ISOC2: variants seen among roughly 807,000 people sequenced by gnomAD.
ISOC2 encodes the protein isochorismatase domain-containing protein 2.
A neutral mutation model predicts 19.3 loss-of-function variants in ISOC2; 15 were observed. The observed-to-expected ratio is 0.78, with a 90% CI of 0.52 to 1.20. ISOC2 has a LOEUF of 1.20. Among genes scored for constraint, ISOC2 ranks in the 50% most tolerant of loss-of-function variants. The pLI, the probability that ISOC2 is intolerant of heterozygous loss-of-function variation, is 0.00. For missense variants in ISOC2, 285 were observed against 272.4 expected (o/e 1.05, Z -0.33); for synonymous variants, 106 against 115.8 (o/e 0.92, Z 0.54).
At chr19:55,453,462 A>G in intron 5 of ISOC2, 74 bp from the exon 6 acceptor site, 1 of 1,045,194 alleles carries the variant, frequency 9.6e-7, no homozygotes, top group Non-Finnish European at 1.3e-6. Context: ...TCTGAGGGAC[A>G]CCTCTCCGTC....
chr19:55,456,738 G>T (rs1986074198), intron 1 of ISOC2, among the ~76,000 whole-genome samples: 1 of 152,136 alleles, frequency 6.6e-6, no homozygotes, highest in South Asian at 2.1e-4. Flanking sequence ...CGTGGCTCCG[G>T]GTGTCCCTCT....
intron 5 of ISOC2, chr19:55,454,758 C>A: frequency 1.7e-6 from 1 of 574,878 alleles, no homozygotes; most frequent in South Asian, 2.0e-5. Context: ...TCCTCTGTGC[C>A]CTGACCCTCT....
intron 1 of ISOC2, among the ~76,000 whole-genome samples, chr19:55,456,789 G>A (rs956556645): frequency 3.3e-5 from 5 of 152,128 alleles, no homozygotes; most frequent in African/African-American, 7.2e-5. Flanking sequence ...TGTGCACAAC[G>A]TCAAGGAGTG....
intron 1 of ISOC2, chr19:55,457,091 C>T (rs1472161474): frequency 6.5e-6 from 1 of 153,456 alleles, no homozygotes; most frequent in Non-Finnish European, 1.4e-5. Flanking sequence ...CTGATCCTCA[C>T]CCTGCTCCAA....
Position 55,453,390 on chromosome 19 carries a change from T to C in ISOC2, c.538-2A>G. The C allele has an allele frequency of 6.3e-7, 1 of 1,599,406 alleles. No individual in the cohort carries two copies. ...GGGCTCCTTGATGAGTTTCTGGATCTGTAAGGGCAGGGGGCGATGGGTCAG... is the reference window on the plus strand; with the variant it reads ...GGGCTCCTTGATGAGTTTCTGGATCCGTAAGGGCAGGGGGCGATGGGTCAG... On this transcript the variant is annotated splice_acceptor_variant, in intron 5 of 5. Transcript: ENST00000425675. LOFTEE classifies it high-confidence loss of function.
rs1985919218 is a variant in ISOC2, at chr19:55,453,178, T to TC, written c.*129_*130insG. On this transcript the variant is annotated 3_prime_UTR_variant, in exon 6 of 6. Transcript: ENST00000425675. ...GCTGTCCAATGGGAAGGCAGCACCC[T>TC]GCCCCCCCCACAAGGGGGCGGCACT... is the stretch of plus-strand genomic sequence containing the variant. 1 of 526,188 alleles carries TC rather than the reference T, an allele frequency of 1.9e-6. No homozygotes were observed. The highest frequency in any genetic ancestry group is 3.3e-6 in the Non-Finnish European group (1 of 306,342). The allele number at this position is 526,188 out of a possible 1,614,324, so 32.6% of individuals were successfully genotyped here. A position where few individuals can be genotyped will look rare whatever the true frequency, so the allele number is the denominator to read the frequency against.
In ISOC2 at chr19:55,455,059, G is replaced by A. The variant is rs747733446; in HGVS notation, c.467C>T (p.Ala156Val). 12 of 1,583,326 alleles carry A rather than the reference G, an allele frequency of 7.6e-6. No individual in the cohort carries two copies. In the South Asian group the frequency reaches 1.3e-4, roughly 17 times the overall value. Residue 156 changes from alanine (A) to valine (V), a missense_variant, in exon 5 of 6, where the codon GCC becomes GTC. By Grantham distance (64) the Ala-to-Val change is moderately conservative. Transcript: ENST00000425675. ...VALARMRQSG[A>V]FLSTSEGLIL... Reference sequence around the variant, plus strand: ...GAGCCCTTCGCTGGTGGAGAGGAAGGCACCACTCTGTCTCATGCGGGCCAG... The same window carrying A: ...GAGCCCTTCGCTGGTGGAGAGGAAGACACCACTCTGTCTCATGCGGGCCAG...
In ISOC2 at chr19:55,453,064, G is replaced by A; in HGVS notation, c.*244C>T. 2.2e-6 allele frequency: 1 copy of A among 464,570 alleles called. No individual in the cohort carries two copies. The highest frequency in any genetic ancestry group is 3.8e-6 in the Non-Finnish European group (1 of 262,822). 28.8% of individuals were successfully genotyped at this position (464,570 alleles called of 1,614,324 possible). The stretch of plus-strand genomic sequence containing the variant: ...TCTTCCCCTCCCCTTCCCGCCCCGT[G>A]AAGTGGCCCGGGGCCGAGCCCCGCC... On this transcript the variant is annotated 3_prime_UTR_variant, in exon 6 of 6. Transcript: ENST00000425675.
At position 55,454,949 on chromosome 19, in the gene ISOC2, A is replaced by G. The variant is rs191127525; in HGVS notation, c.537+40T>C. The G allele has an allele frequency of 2.0e-4, 279 of 1,416,314 alleles. 1 individual carries two copies. The African/African-American group carries it at 2.4e-3, about 12-fold the overall frequency. The allele number at this position is 1,416,314 out of a possible 1,614,324, so 87.7% of individuals were successfully genotyped here. A position where few individuals can be genotyped will look rare whatever the true frequency, so the allele number is the denominator to read the frequency against. ...TCAGAGCCCAAAGACAAGACCTTTG[A>G]CAGATGCAGGGGAGGTGGGGGCGGC... On this transcript the variant is annotated intron_variant, in intron 5 of 5. Coordinates refer to ENST00000425675, the MANE Select transcript of ISOC2 (RefSeq NM_001136201.2).
At chr19:55,455,173 G>T in intron 4 of ISOC2, 67 bp from the exon 5 acceptor site, 1 of 1,570,226 alleles carries the variant, frequency 6.4e-7, no homozygotes. Context: ...AGACACGCAG[G>T]CACCCTGGTG....
intron 1 of ISOC2, among the ~76,000 whole-genome samples, chr19:55,460,926 C>T (rs1461957260): frequency 7.4e-6 from 1 of 134,586 alleles, no homozygotes; most frequent in Admixed American, 7.2e-5. Context: ...GAAAGGCCCC[C>T]AGTTTCTGGT....
At chr19:55,453,449 A>G in intron 5 of ISOC2, 61 bp from the exon 6 acceptor site, 2 of 1,191,200 alleles carry the variant, frequency 1.7e-6, no homozygotes, top group South Asian at 3.3e-5. Flanking sequence ...CATGGATGAC[A>G]AATCTGAGGG....
chr19:55,454,747 C>T (rs922377032), intron 5 of ISOC2: 1 of 560,926 alleles, frequency 1.8e-6, no homozygotes, highest in African/African-American at 1.9e-5. Flanking sequence ...TACAAACCCC[C>T]TCCTCTGTGC....
intron 1 of ISOC2, among the ~76,000 whole-genome samples, chr19:55,459,002 G>C (rs544056562): frequency 1.8e-4 from 27 of 152,008 alleles, no homozygotes; most frequent in Non-Finnish European, 3.1e-4. Flanking sequence ...CGCAATCATA[G>C]CTCACTGCAT....
In ISOC2 at chr19:55,453,079, CGA is replaced by C; in HGVS notation, c.*227_*228del. On this transcript the variant is annotated 3_prime_UTR_variant, in exon 6 of 6. Coordinates refer to ENST00000425675, the MANE Select transcript of ISOC2 (RefSeq NM_001136201.2). ...CCCGCCCCGTGAAGTGGCCCGGGGC[CGA>C]GCCCCGCCTCCATCTTGGCTCAGCC... 1 of 491,982 alleles carries C rather than the reference CGA, an allele frequency of 2.0e-6. No individual in the cohort carries two copies. The highest frequency in any genetic ancestry group is 3.1e-5 in the South Asian group (1 of 32,536). 30.5% of individuals were successfully genotyped at this position (491,982 alleles called of 1,614,324 possible). A position where few individuals can be genotyped will look rare whatever the true frequency, so the allele number is the denominator to read the frequency against.
At position 55,453,377 on chromosome 19, in the gene ISOC2, G is replaced by A; in HGVS notation, c.549C>T (p.Leu183=). 1.2e-6 allele frequency: 2 copies of A among 1,603,696 alleles called. No homozygotes were observed. Among genetic ancestry groups the A allele is most frequent in the Non-Finnish European group, 1.7e-6 (2 of 1,175,530 alleles). ...VHPQFKEIQK[L]IKEPAPDSGL... Reference sequence around the variant, plus strand: ...CGCTGTCTGGGGCGGGCTCCTTGATGAGTTTCTGGATCTGTAAGGGCAGGG... The same window carrying A: ...CGCTGTCTGGGGCGGGCTCCTTGATAAGTTTCTGGATCTGTAAGGGCAGGG... The change falls in exon 6 of 6, where the codon CTC becomes CTT. Residue 183 remains leucine (L), a synonymous_variant. Coordinates refer to ENST00000425675, the MANE Select transcript of ISOC2 (RefSeq NM_001136201.2).
rs753590326 is a variant in ISOC2, at chr19:55,453,384, T to TG, written c.541dup (p.Gln181ProfsTer85). 1 of 1,602,170 alleles carries TG rather than the reference T, an allele frequency of 6.2e-7. No individual in the cohort carries two copies. The highest frequency in any genetic ancestry group is 1.1e-5 in the South Asian group (1 of 89,018). Reference sequence around the variant, plus strand: ...TGGGGCGGGCTCCTTGATGAGTTTCTGGATCTGTAAGGGCAGGGGGCGATG... The same window carrying TG: ...TGGGGCGGGCTCCTTGATGAGTTTCTGGGATCTGTAAGGGCAGGGGGCGATG... On this transcript the variant is annotated frameshift_variant, in exon 6 of 6. Coordinates refer to ENST00000425675, the MANE Select transcript of ISOC2 (RefSeq NM_001136201.2). LOFTEE classifies it high-confidence loss of function.
Position 55,453,168 on chromosome 19 carries a change from G to T in ISOC2, c.*140C>A, listed in dbSNP as rs1985918136. On this transcript the variant is annotated 3_prime_UTR_variant, in exon 6 of 6. Coordinates refer to ENST00000425675, the MANE Select transcript of ISOC2 (RefSeq NM_001136201.2). ...TCCGGGAGCAGCTGTCCAATGGGAA[G>T]GCAGCACCCTGCCCCCCCCACAAGG... 1.8e-6 allele frequency: 1 copy of T among 544,652 alleles called. No homozygotes were observed. The highest frequency in any genetic ancestry group is 3.2e-6 in the Non-Finnish European group (1 of 312,140). 33.7% of individuals were successfully genotyped at this position (544,652 alleles called of 1,614,324 possible). A position where few individuals can be genotyped will look rare whatever the true frequency, so the allele number is the denominator to read the frequency against.
Position 55,456,491 on chromosome 19 carries a change from T to G in ISOC2, c.-3-2A>C. ...GCTGGGCCTGGCAGCCGCCATTTTC[T>G]GGGGGTGGGCAGAGGGACGGTGGGT... On this transcript the variant is annotated splice_acceptor_variant, in intron 1 of 5. Transcript: ENST00000425675. LOFTEE classifies it low-confidence loss of function (5UTR_SPLICE). 1 of 1,613,448 alleles carries G rather than the reference T, an allele frequency of 6.2e-7. No individual in the cohort carries two copies. The highest frequency in any genetic ancestry group is 8.5e-7 in the Non-Finnish European group (1 of 1,179,678).
Sources: gnomAD v4.1 joint callset for allele counts (sites outside exome capture counted in the v4.1 genomes callset) on GRCh38, gnomAD v4.1.1 for gene constraint, MANE v1.5 for transcripts, NCBI Gene and HGNC (gene_info 2026-07-23, HGNC 2026-07-21) for gene names.